The following MAP3K14 variants were observed in gnomAD, a reference collection of about 807,000 sequenced individuals.
The protein encoded by MAP3K14 is mitogen-activated protein kinase kinase kinase 14.
In MAP3K14, 16 loss-of-function variants were observed where a neutral mutation model predicts 99.2. That is an observed-to-expected ratio of 0.16 (90% CI 0.11 to 0.24). The LOEUF is 0.24. MAP3K14 is among the 10% of genes least tolerant of loss of function. The probability of loss-of-function intolerance (pLI) is 1.00; values close to 1 mark genes in which losing one functional copy is unlikely to be tolerated. For missense variants in MAP3K14, 784 were observed against 1,208.7 expected (o/e 0.65, Z 5.21); for synonymous variants, 462 against 492.4 (o/e 0.94, Z 0.82).
At chr17:45,305,692 G>A (rs763145549) in intron 1 of MAP3K14, among the ~76,000 whole-genome samples, 2 of 152,142 alleles carry the variant, frequency 1.3e-5, no homozygotes, top group African/African-American at 2.4e-5. Context: ...GTGAGTCATG[G>A]TCTATAAGTG....
intron 1 of MAP3K14, among the ~76,000 whole-genome samples, chr17:45,293,096 G>C (rs138089681): frequency 6.6e-6 from 1 of 152,330 alleles, no homozygotes; most frequent in East Asian, 1.9e-4. Flanking sequence ...CACAGACCAC[G>C]CAACTGACGC....
At chr17:45,271,392 C>A (rs2044141588) in intron 9 of MAP3K14, among the ~76,000 whole-genome samples, 171 bp from the exon 10 acceptor site, 1 of 152,170 alleles carries the variant, frequency 6.6e-6, no homozygotes, top group South Asian at 2.1e-4. Context: ...GTCACCCAGG[C>A]TGGAGTACAA....
At chr17:45,273,939 A>G (rs1161733628) in intron 8 of MAP3K14, 184 bp downstream of exon 8, 1 of 758,180 alleles carries the variant, frequency 1.3e-6, no homozygotes, top group Non-Finnish European at 2.1e-6. Flanking sequence ...TCTACCAGAA[A>G]CTACAGTGCT....
Position 45,272,362 on chromosome 17 carries a change from A to ATT in MAP3K14, c.1657+1139_1657+1140dup, listed in dbSNP as rs149804735. Among the ~76,000 whole-genome samples the ATT allele has an allele frequency of 1.3e-5, 2 of 151,288 alleles. No homozygotes were observed. Among genetic ancestry groups the ATT allele is most frequent in the Non-Finnish European group, 3.0e-5 (2 of 67,792 alleles). On this transcript the variant is annotated intron_variant, in intron 9 of 15. Transcript: ENST00000344686. This position sits in a 1 kb window ranked among gnomAD's most constrained non-coding sequence, Gnocchi z 4.1. ...AGTTAAAAAGAATCAGAAAAGATAC[A>ATT]TTTTTTTTTGTAACAAGAAAAAGCC... is the stretch of plus-strand genomic sequence containing the variant.
At chr17:45,273,982 C>T (rs1199995086) in intron 8 of MAP3K14, 141 bp downstream of exon 8, 2 of 986,640 alleles carry the variant, frequency 2.0e-6, no homozygotes, top group Non-Finnish European at 3.0e-6. Context: ...CATTCCCCTT[C>T]CTACAGGCAC....
chr17:45,279,860 G>A (rs367645210), intron 6 of MAP3K14, among the ~76,000 whole-genome samples: 5 of 152,218 alleles, frequency 3.3e-5, no homozygotes, highest in African/African-American at 1.2e-4. Context: ...GATGTCCAAT[G>A]AATATTAGAG....
At chr17:45,309,529 A>T (rs1193086337) in intron 1 of MAP3K14, among the ~76,000 whole-genome samples, 1 of 152,114 alleles carries the variant, frequency 6.6e-6, no homozygotes, top group Non-Finnish European at 1.5e-5. Flanking sequence ...GGCCCATTTG[A>T]CACACTTGGC....
At chr17:45,308,410 T>C (rs1261113722) in intron 1 of MAP3K14, among the ~76,000 whole-genome samples, 1 of 152,154 alleles carries the variant, frequency 6.6e-6, no homozygotes, top group Non-Finnish European at 1.5e-5. Context: ...GATGTGCCAG[T>C]GTGGTCACTG....
At chr17:45,287,531 C>G (rs1027312171) in intron 3 of MAP3K14, among the ~76,000 whole-genome samples, 167 bp from the exon 4 acceptor site, 1 of 152,192 alleles carries the variant, frequency 6.6e-6, no homozygotes, top group African/African-American at 2.4e-5. Context: ...TGTTTTCTCA[C>G]TTATCTCACT....
chr17:45,274,555 T>A lies in MAP3K14; in HGVS notation c.1329A>T (p.Ala443=), dbSNP rs769976304. The A allele has an allele frequency of 3.7e-6, 6 of 1,613,842 alleles. No homozygotes were observed. The highest frequency in any genetic ancestry group is 5.1e-6 in the Non-Finnish European group (6 of 1,179,896). Residue 443 remains alanine, a synonymous_variant, in exon 7 of 16, where the codon GCA becomes GCT. Coordinates refer to ENST00000344686, the MANE Select transcript of MAP3K14 (RefSeq NM_003954.5). The stretch of plus-strand genomic sequence containing the variant: ...TTCTGGGTGAGGTCAATCCTGCACA[T>A]GCCATCAGCTCCTCTGCCCGAAATA... The part of the protein sequence containing the change: ...LEVFRAEELM[A]CAGLTSPRIV...
chr17:45,281,636 A>ACTT (rs1208313656), intron 6 of MAP3K14: 189 of 118,110 alleles, frequency 1.6e-3, no homozygotes, highest in African/African-American at 5.9e-3. Context: ...GCCTGATCTT[A>ACTT]CTTCTTTTTT....
At chr17:45,290,413 A>T (rs1173760006) in intron 2 of MAP3K14, 77 bp downstream of exon 2, 2 of 1,561,268 alleles carry the variant, frequency 1.3e-6, no homozygotes, top group Non-Finnish European at 1.7e-6. Context: ...TCTCCTCCAT[A>T]GGGAACCCCT....
At chr17:45,302,421 C>T (rs1293801385) in intron 1 of MAP3K14, among the ~76,000 whole-genome samples, 1 of 152,200 alleles carries the variant, frequency 6.6e-6, no homozygotes, top group East Asian at 1.9e-4. Flanking sequence ...AATTCTCCTG[C>T]CTCAGCCTCC....
At chr17:45,310,108 A>G (rs924000337) in intron 1 of MAP3K14, among the ~76,000 whole-genome samples, 3 of 140,906 alleles carry the variant, frequency 2.1e-5, no homozygotes, top group African/African-American at 8.1e-5. Flanking sequence ...ATCTTGGCTC[A>G]CTGCAACCTC....
chr17:45,296,266 T>C (rs1431548523), intron 1 of MAP3K14, among the ~76,000 whole-genome samples: 1 of 152,164 alleles, frequency 6.6e-6, no homozygotes, highest in Non-Finnish European at 1.5e-5. Flanking sequence ...GGCTCACGCC[T>C]GTAATCTCAG....
chr17:45,265,027 G>A (rs974228084), intron 15 of MAP3K14, 136 bp downstream of exon 15: 1 of 833,518 alleles, frequency 1.2e-6, no homozygotes, highest in African/African-American at 1.7e-5. Flanking sequence ...TTGAGGTCCT[G>A]GGGGACGTTG....
intron 1 of MAP3K14, among the ~76,000 whole-genome samples, chr17:45,314,688 G>C (rs2044515192): frequency 6.6e-6 from 1 of 151,646 alleles, no homozygotes; most frequent in African/African-American, 2.4e-5. Flanking sequence ...ATGCGTATTG[G>C]GCTGACTTAG....
chr17:45,265,064 G>A (rs979246539), intron 15 of MAP3K14, 99 bp downstream of exon 15: 1 of 1,017,184 alleles, frequency 9.8e-7, no homozygotes, highest in Non-Finnish European at 1.5e-6. Context: ...ATTCCCTAGA[G>A]TGCCATTCTA....
rs1157809033 is a variant in MAP3K14, at chr17:45,270,966, T to A, written c.1821+92A>T. On this transcript the variant is annotated intron_variant, in intron 10 of 15. Transcript: ENST00000344686. ...GATGACCAGGCCTCCCCTTGCTCCATCTGCCACCGCAGAGCAGCCCCTCCA... is the reference window on the plus strand; with the variant it reads ...GATGACCAGGCCTCCCCTTGCTCCAACTGCCACCGCAGAGCAGCCCCTCCA... 2.0e-6 allele frequency: 3 copies of A among 1,496,844 alleles called. No homozygotes were observed. In the African/African-American group the frequency reaches 4.2e-5, roughly 21 times the overall value. The allele number at this position is 1,496,844 out of a possible 1,614,324, so 92.7% of individuals were successfully genotyped here.
Sources: allele counts gnomAD v4.1 joint callset (sites outside exome capture counted in the v4.1 genomes callset), GRCh38; gene constraint gnomAD v4.1.1; non-coding constraint Gnocchi (gnomAD v3.1); transcripts MANE v1.5; gene names NCBI Gene and HGNC (gene_info 2026-07-23, HGNC 2026-07-21).